KLHL29: variants seen among roughly 807,000 people sequenced by gnomAD.
KLHL29 encodes kelch like family member 29.
KLHL29 carries 21 observed loss-of-function variants against 80.4 expected under a neutral mutation model. That is an observed-to-expected ratio of 0.26 (90% confidence interval 0.19 to 0.38). KLHL29 has a LOEUF of 0.38. KLHL29 is among the 10% of genes least tolerant of loss of function. KLHL29 has a pLI of 1.00. For synonymous variants in KLHL29, 511 were observed against 526.8 expected (o/e 0.97, Z 0.41); for missense variants, 867 against 1,223.9 (o/e 0.71, Z 4.35).
intron 2 of KLHL29, among the ~76,000 whole-genome samples, chr2:23,495,644 C>T (rs373578816): frequency 6.6e-6 from 1 of 152,174 alleles, no homozygotes; most frequent in Admixed American, 6.5e-5. Context: ...AAGCCTGCAC[C>T]GTACCCACCT....
At chr2:23,670,917 G>GCGCGCGCACTCTTTCT (rs150131401) in intron 5 of KLHL29, among the ~76,000 whole-genome samples, 1 of 18,534 alleles carries the variant, frequency 5.4e-5, no homozygotes, top group Non-Finnish European at 1.2e-4. Context: ...ACATGCACGC[G>GCGCGCGCACTCTTTCT]CTCTCTCTCT....
At chr2:23,618,427 G>T (rs1412052747) in intron 3 of KLHL29, among the ~76,000 whole-genome samples, 1 of 152,158 alleles carries the variant, frequency 6.6e-6, no homozygotes, top group Admixed American at 6.5e-5. Context: ...ATGTGGGAAG[G>T]CCTCATCCGA....
In KLHL29 at chr2:23,703,582, C is replaced by T. The variant is rs1023957791; in HGVS notation, c.2300-137C>T. The T allele has an allele frequency of 7.3e-5, 87 of 1,188,606 alleles. 1 individual carries two copies. The highest frequency in any genetic ancestry group is 9.4e-5 in the Non-Finnish European group (82 of 871,240). 73.6% of individuals were successfully genotyped at this position (1,188,606 alleles called of 1,614,324 possible). ...CAAGGCTCCAGGTTCCCCTAGGCCC[C>T]GGACCCATCCCCAGGCCAATCAGTC... On this transcript the variant is annotated intron_variant, in intron 12 of 13. Transcript: ENST00000486442.
At chr2:23,638,963 C>G (rs1171247574) in intron 3 of KLHL29, among the ~76,000 whole-genome samples, 176 bp from the exon 4 acceptor site, 2 of 152,334 alleles carry the variant, frequency 1.3e-5, no homozygotes, top group Admixed American at 1.3e-4. Flanking sequence ...GAACCCCCTG[C>G]AATTCCCACC....
chr2:23,526,950 G>T (rs1011093846), intron 2 of KLHL29, among the ~76,000 whole-genome samples: 3 of 152,172 alleles, frequency 2.0e-5, no homozygotes, highest in Non-Finnish European at 4.4e-5. Context: ...GGGAGCCCCC[G>T]CAGGGTTTCG....
At position 23,457,112 on chromosome 2, in the gene KLHL29, G is replaced by A. The variant is rs767804176; in HGVS notation, c.-153-18448G>A. 1.3e-5 allele frequency among the ~76,000 whole-genome samples: 2 copies of A among 152,238 alleles called. No individual in the cohort carries two copies. The highest frequency in any genetic ancestry group is 2.4e-5 in the African/African-American group (1 of 41,468). On this transcript the variant is annotated intron_variant, in intron 1 of 13. Coordinates refer to ENST00000486442, the MANE Select transcript of KLHL29 (RefSeq NM_052920.2). The surrounding 1 kb of genome is among the most constrained non-coding windows in gnomAD (Gnocchi z 4.3). Reference sequence around the variant, plus strand: ...CTTGTGCCAGGCCCTGTGCCTTCCCGACGCCGGGGACTGGAGCTAGAGGCA... The same window carrying A: ...CTTGTGCCAGGCCCTGTGCCTTCCCAACGCCGGGGACTGGAGCTAGAGGCA...
chr2:23,436,608 G>A (rs780929814), intron 1 of KLHL29, among the ~76,000 whole-genome samples: 32 of 152,188 alleles, frequency 2.1e-4, no homozygotes, highest in Admixed American at 1.2e-3. Context: ...CCACAGGTGC[G>A]CATTCAGCGC....
At chr2:23,586,769 C>T (rs921431433) in intron 3 of KLHL29, among the ~76,000 whole-genome samples, 10 of 152,122 alleles carry the variant, frequency 6.6e-5, no homozygotes, top group African/African-American at 2.2e-4. Context: ...CTCCTTGGTG[C>T]CCCTCAGCCT....
intron 3 of KLHL29, among the ~76,000 whole-genome samples, chr2:23,620,842 G>A (rs1055235307): frequency 2.6e-5 from 4 of 152,192 alleles, no homozygotes; most frequent in Non-Finnish European, 5.9e-5. Context: ...CCGCAGAGCC[G>A]GGTGTATAAA....
intron 1 of KLHL29, among the ~76,000 whole-genome samples, chr2:23,405,630 G>A (rs1426955378): frequency 6.6e-6 from 1 of 152,138 alleles, no homozygotes; most frequent in African/African-American, 2.4e-5. Context: ...AACAATGTTG[G>A]CACCAGTTCT....
intron 3 of KLHL29, among the ~76,000 whole-genome samples, chr2:23,597,857 C>T (rs1385092234): frequency 6.6e-6 from 1 of 152,128 alleles, no homozygotes; most frequent in East Asian, 1.9e-4. Flanking sequence ...GTCCCCATCC[C>T]CGACCTGTGG....
intron 2 of KLHL29, among the ~76,000 whole-genome samples, chr2:23,528,829 G>C (rs1666407013): frequency 6.6e-6 from 1 of 152,208 alleles, no homozygotes; most frequent in African/African-American, 2.4e-5. Context: ...TGCCAGCGCA[G>C]CCTGACTCGC....
intron 3 of KLHL29, among the ~76,000 whole-genome samples, chr2:23,563,031 A>C (rs1667490779): frequency 6.6e-6 from 1 of 152,216 alleles, no homozygotes; most frequent in South Asian, 2.1e-4. Flanking sequence ...ACTGAGGCAC[A>C]GCAAGGGCTC....
intron 5 of KLHL29, among the ~76,000 whole-genome samples, chr2:23,645,958 C>T (rs377186363): frequency 6.6e-6 from 1 of 152,160 alleles, no homozygotes; most frequent in Admixed American, 6.5e-5. Flanking sequence ...TATTTAAATG[C>T]ATTGAGCACA....
At chr2:23,459,898 A>G (rs1456875767) in intron 1 of KLHL29, among the ~76,000 whole-genome samples, 2 of 152,166 alleles carry the variant, frequency 1.3e-5, no homozygotes, top group African/African-American at 4.8e-5. Flanking sequence ...TAAGGGGTGA[A>G]TGGGAGGTGA....
At chr2:23,517,492 G>A (rs1247469592) in intron 2 of KLHL29, among the ~76,000 whole-genome samples, 2 of 152,206 alleles carry the variant, frequency 1.3e-5, no homozygotes, top group South Asian at 2.1e-4. Flanking sequence ...GCAGTGAGCC[G>A]AGATCGTGCC....
In KLHL29 at chr2:23,693,444, C is replaced by T. The variant is rs775911105; in HGVS notation, c.1458C>T (p.Asn486=). Residue 486 remains asparagine, a synonymous_variant, in exon 8 of 14, where the codon AAC becomes AAT. Coordinates refer to ENST00000486442, the MANE Select transcript of KLHL29 (RefSeq NM_052920.2). ...ACGACTTCATCGCCTACGTCTCCAA[C>T]GACAGCCTCAACACCAAGGCTGAGG... ...SKDDFIAYVS[N]DSLNTKAEEL... 1.7e-5 allele frequency: 27 copies of T among 1,551,632 alleles called. No homozygotes were observed. The highest frequency in any genetic ancestry group is 2.1e-5 in the Non-Finnish European group (24 of 1,147,000).
chr2:23,428,077 A>T (rs114019143), intron 1 of KLHL29, among the ~76,000 whole-genome samples: 1 of 152,250 alleles, frequency 6.6e-6, no homozygotes, highest in Admixed American at 6.5e-5. Context: ...TCACACCCTG[A>T]TGGAGCATTG....
intron 1 of KLHL29, among the ~76,000 whole-genome samples, chr2:23,388,989 C>CTTT (rs10691490): frequency 2.8e-5 from 3 of 106,874 alleles, no homozygotes; most frequent in Non-Finnish European, 3.7e-5. Context: ...CTTTCTTCTT[C>CTTT]TTTTTTTTTT....
Sources: gnomAD v4.1 joint callset for allele counts (sites outside exome capture counted in the v4.1 genomes callset) on GRCh38, gnomAD v4.1.1 for gene constraint, Gnocchi (gnomAD v3.1) non-coding constraint, MANE v1.5 for transcripts, NCBI Gene and HGNC (gene_info 2026-07-23, HGNC 2026-07-21) for gene names.